Variants in COX15 observed in about 807,000 individuals in gnomAD.
COX15 encodes cytochrome c oxidase assembly factor COX15.
Under a neutral mutation model 51.9 loss-of-function variants are expected in COX15, and 51 were observed. The ratio of observed to expected loss-of-function variants is 0.98; its 90% CI spans 0.78 to 1.24. The LOEUF is 1.24. Among genes scored for constraint, COX15 ranks in the 50% most tolerant of loss-of-function variants. The pLI, the probability that COX15 is intolerant of heterozygous loss-of-function variation, is 0.00. For synonymous variants in COX15, 188 were observed against 190.5 expected (o/e 0.99, Z 0.11); for missense variants, 420 against 501.1 (o/e 0.84, Z 1.55).
chr10:99,731,777 G>A (rs200877389), intron 1 of COX15, among the ~76,000 whole-genome samples, 183 bp downstream of exon 1: 1 of 152,174 alleles, frequency 6.6e-6, no homozygotes, highest in East Asian at 1.9e-4. Flanking sequence ...AATTAACTTG[G>A]CCAATACCAC....
chr10:99,716,405 G>T lies in COX15; in HGVS notation c.1044C>A (p.Pro348=). ...CTGCCATCTTGGTCCTTCTAGGAAGGGGAATTCTCCGAGAGAGGAAGTAGA... is the reference window on the plus strand; with the variant it reads ...CTGCCATCTTGGTCCTTCTAGGAAGTGGAATTCTCCGAGAGAGGAAGTAGA... The part of the protein sequence containing the change: ...TVLYFLSRRI[P]LPRRTKMAAV... Residue 348 remains proline, a synonymous_variant, in exon 8 of 9, where the codon CCC becomes CCA. Coordinates refer to ENST00000016171, the MANE Select transcript of COX15 (RefSeq NM_078470.6). The T allele has an allele frequency of 6.2e-7, 1 of 1,613,966 alleles. No individual in the cohort carries two copies. Among genetic ancestry groups the T allele is most frequent in the Non-Finnish European group, 8.5e-7 (1 of 1,179,964 alleles).
At chr10:99,728,308 C>T (rs1404209401) in intron 2 of COX15, among the ~76,000 whole-genome samples, 17 of 152,214 alleles carry the variant, frequency 1.1e-4, no homozygotes, top group Admixed American at 1.1e-3. Flanking sequence ...ACACCATCAT[C>T]ACAACGGACC....
the COX15 span, chr10:99,704,674 G>A: frequency 6.2e-7 from 1 of 1,613,176 alleles, no homozygotes; most frequent in Admixed American, 1.7e-5. Context: ...GAGTACAGGT[G>A]GGGCCGTGAG....
rs1237236366 is a variant in COX15, at chr10:99,714,301, C to T, written c.*286G>A. 2 of 1,216,556 alleles carry T rather than the reference C, an allele frequency of 1.6e-6. No homozygotes were observed. The highest frequency in any genetic ancestry group is 2.1e-6 in the Non-Finnish European group (2 of 961,986). 75.4% of individuals were successfully genotyped at this position (1,216,556 alleles called of 1,614,324 possible). On this transcript the variant is annotated 3_prime_UTR_variant, in exon 9 of 9. Coordinates refer to ENST00000016171, the MANE Select transcript of COX15 (RefSeq NM_078470.6). Reference sequence around the variant, plus strand: ...CCAAGAGCTTGCCAACACTGAAAAACCTGACACAAAGCCTGTTAAGCAGCA... The same window carrying T: ...CCAAGAGCTTGCCAACACTGAAAAATCTGACACAAAGCCTGTTAAGCAGCA...
chr10:99,715,325 G>A (rs1199587029), intron 8 of COX15, among the ~76,000 whole-genome samples: 2 of 152,068 alleles, frequency 1.3e-5, no homozygotes, highest in East Asian at 3.9e-4. Flanking sequence ...TTTTAGTAGA[G>A]ACAGAGTTTC....
Position 99,722,276 on chromosome 10 carries a change from G to A in COX15, c.751-1208C>T, listed in dbSNP as rs577684482. Among the ~76,000 whole-genome samples, 16 of 152,276 alleles carry A rather than the reference G, an allele frequency of 1.1e-4. No homozygotes were observed. The South Asian group carries it at 3.3e-3, about 32-fold the overall frequency. ...TCTCAAATCCTTTTTGTAATTAGGT[G>A]AATCTAAACTAACAGAGAAAAACAA... On this transcript the variant is annotated intron_variant, in intron 5 of 8. Transcript: ENST00000016171.
At chr10:99,724,840 T>C (rs1467330280) in intron 4 of COX15, among the ~76,000 whole-genome samples, 1 of 152,122 alleles carries the variant, frequency 6.6e-6, no homozygotes, top group South Asian at 2.1e-4. Flanking sequence ...TCAAGTTAGG[T>C]TGGAATAAGA....
intron 3 of COX15, 33 bp from the exon 4 acceptor site, chr10:99,727,187 G>A (rs993456035): frequency 2.5e-6 from 4 of 1,602,840 alleles, no homozygotes; most frequent in Admixed American, 1.7e-5. Flanking sequence ...AAAGGAGGAG[G>A]AGGAAACATC....
chr10:99,702,660 T>C, the COX15 span: 11 of 1,611,216 alleles, frequency 6.8e-6, no homozygotes, highest in Non-Finnish European at 9.3e-6. Context: ...TAAAACACGA[T>C]TCTTACCACT....
At chr10:99,728,640 A>G (rs2037038282) in intron 2 of COX15, among the ~76,000 whole-genome samples, 1 of 152,240 alleles carries the variant, frequency 6.6e-6, no homozygotes, top group Non-Finnish European at 1.5e-5. Context: ...ATATTCACGA[A>G]TGTTCTATTC....
chr10:99,701,939 T>C, the COX15 span, among the ~76,000 whole-genome samples: 3 of 151,894 alleles, frequency 2.0e-5, no homozygotes, highest in African/African-American at 7.3e-5. Context: ...TCCCAGCTAC[T>C]CGGGAGGCTG....
At chr10:99,720,926 G>C in intron 6 of COX15, 61 bp downstream of exon 6, 1 of 1,333,130 alleles carries the variant, frequency 7.5e-7, no homozygotes. Flanking sequence ...AAAGCATTAG[G>C]CAAGAGGTCC....
Position 99,711,194 on chromosome 10 carries a change from C to T in COX15, c.*3393G>A. On this transcript the variant is annotated 3_prime_UTR_variant, in exon 9 of 9. Transcript: ENST00000016171. ...AACCAGTTGTTTTTCCAAATGTACT[C>T]ATCATCTGTAATAAAAGAAAAATGA... 1 of 985,268 alleles carries T rather than the reference C, an allele frequency of 1.0e-6. No individual in the cohort carries two copies. Among genetic ancestry groups the T allele is most frequent in the Non-Finnish European group, 1.2e-6 (1 of 829,828 alleles). 61.0% of individuals were successfully genotyped at this position (985,268 alleles called of 1,614,324 possible).
chr10:99,714,717 A>G lies in COX15; in HGVS notation c.1103T>C (p.Val368Ala). The G allele has an allele frequency of 8.7e-6, 14 of 1,613,148 alleles. No individual in the cohort carries two copies. The highest frequency in any genetic ancestry group is 1.3e-5 in the African/African-American group (1 of 75,042). Residue 368 changes from valine to alanine, a missense_variant and splice_region_variant, in exon 9 of 9, where the codon GTG becomes GCG. Physicochemically the swap from Val to Ala is moderately conservative, Grantham distance 64 (BLOSUM62 0). Coordinates refer to ENST00000016171, the MANE Select transcript of COX15 (RefSeq NM_078470.6). ...CAGCAGCGTGCTGATGCCCAAGCCC[A>G]CCTGTCACAAAGGAAAGAAGGCAAT... ...VTLLALAYTQ[V>A]GLGISTLLMY...
chr10:99,700,032 T>C, the COX15 span, among the ~76,000 whole-genome samples: 1 of 152,184 alleles, frequency 6.6e-6, no homozygotes, highest in African/African-American at 2.4e-5. Flanking sequence ...TAAGAAATAC[T>C]GTGGGACACC....
chr10:99,727,238 TTCTC>T, intron 3 of COX15, 84 bp from the exon 4 acceptor site: 1 of 1,523,178 alleles, frequency 6.6e-7, no homozygotes, highest in African/African-American at 1.4e-5. Flanking sequence ...AAACCTTTCT[TTCTC>T]AGTCCTGCAA....
chr10:99,704,776 C>T, the COX15 span: 1 of 1,173,516 alleles, frequency 8.5e-7, no homozygotes, highest in Admixed American at 2.3e-5. Flanking sequence ...GCTGTGATGT[C>T]TGACCTTGTG....
the COX15 span, chr10:99,698,582 TC>T: frequency 6.2e-7 from 1 of 1,614,146 alleles, no homozygotes; most frequent in South Asian, 1.1e-5. Flanking sequence ...CATTTCTGGA[TC>T]CCTGCCTGCC....
downstream of COX15, chr10:99,710,284 A>G (rs1004759624): frequency 1.0e-6 from 1 of 985,216 alleles, no homozygotes; most frequent in Non-Finnish European, 1.2e-6. Flanking sequence ...CCAGACACAT[A>G]CTTTGGTTTC....
Sources: allele counts gnomAD v4.1 joint callset (sites outside exome capture counted in the v4.1 genomes callset), GRCh38; gene constraint gnomAD v4.1.1; transcripts MANE v1.5; gene names NCBI Gene and HGNC (gene_info 2026-07-23, HGNC 2026-07-21).